AP3S1: variants seen among roughly 807,000 people sequenced by gnomAD.
The protein encoded by AP3S1 is adaptor related protein complex 3 subunit sigma 1, also known as AP-3 complex subunit sigma-1.
A neutral mutation model predicts 21.3 loss-of-function variants in AP3S1; 12 were observed. The ratio of observed to expected loss-of-function variants is 0.56; its 90% CI spans 0.36 to 0.91. AP3S1 has a LOEUF of 0.91. AP3S1 is among the 40% of genes least tolerant of loss of function. AP3S1 has a pLI of 0.01. For missense variants in AP3S1, 116 were observed against 225.0 expected, an observed-to-expected ratio of 0.52 and a Z score of 3.10; for synonymous variants, 48 against 78.4, an observed-to-expected ratio of 0.61 and a Z score of 2.05.
intron 5 of AP3S1, chr5:115,906,778 A>G: frequency 7.1e-7 from 1 of 1,411,376 alleles, no homozygotes; most frequent in Non-Finnish European, 9.4e-7. Flanking sequence ...TTTTTTCCGA[A>G]CATCCTGATC....
chr5:115,884,607 T>C (rs1749614994), intron 3 of AP3S1, among the ~76,000 whole-genome samples: 1 of 152,208 alleles, frequency 6.6e-6, no homozygotes, highest in South Asian at 2.1e-4. Flanking sequence ...CCCATTCCAA[T>C]TGGATATTCA....
At chr5:115,877,734 T>A (rs776490603) in intron 3 of AP3S1, among the ~76,000 whole-genome samples, 6 of 152,212 alleles carry the variant, frequency 3.9e-5, no homozygotes, top group Non-Finnish European at 7.4e-5. Context: ...GGTTGCTAGG[T>A]CAAATGGTAT....
chr5:115,854,836 C>T (rs1762683037), intron 1 of AP3S1, among the ~76,000 whole-genome samples: 1 of 152,092 alleles, frequency 6.6e-6, no homozygotes, highest in South Asian at 2.1e-4. Context: ...TGCCCTTCCT[C>T]AGTATTTGTC....
At chr5:115,845,365 A>G (rs1055725748) in intron 1 of AP3S1, among the ~76,000 whole-genome samples, 2 of 152,212 alleles carry the variant, frequency 1.3e-5, no homozygotes, top group Admixed American at 1.3e-4. Context: ...TCCCTCAAAT[A>G]TAACAACTTA....
chr5:115,855,278 A>G (rs1379601596), intron 1 of AP3S1, among the ~76,000 whole-genome samples: 2 of 152,032 alleles, frequency 1.3e-5, no homozygotes, highest in Non-Finnish European at 2.9e-5. Flanking sequence ...ACCTCAAATG[A>G]TCTGCCTGCG....
intron 3 of AP3S1, among the ~76,000 whole-genome samples, chr5:115,886,718 G>A (rs1448034608): frequency 6.6e-6 from 1 of 152,120 alleles, no homozygotes; most frequent in Non-Finnish European, 1.5e-5. Context: ...GTTGTTCAAA[G>A]ATCACCTGTA....
At chr5:115,905,956 G>T (rs1256084622) in intron 5 of AP3S1, among the ~76,000 whole-genome samples, 1 of 152,174 alleles carries the variant, frequency 6.6e-6, no homozygotes. Flanking sequence ...AGGAGTTTGA[G>T]ACCAGCCTGG....
chr5:115,853,551 A>G (rs1449011125), intron 1 of AP3S1, among the ~76,000 whole-genome samples: 2 of 152,178 alleles, frequency 1.3e-5, no homozygotes, highest in African/African-American at 4.8e-5. Context: ...TCCAAGGTCA[A>G]AATCTTGTAA....
intron 1 of AP3S1, among the ~76,000 whole-genome samples, chr5:115,849,726 T>C (rs1197039818): frequency 6.6e-6 from 1 of 152,108 alleles, no homozygotes; most frequent in Non-Finnish European, 1.5e-5. Context: ...TGTTAGGCTC[T>C]GTAAAGAAGG....
chr5:115,879,548 C>T (rs1047673161), intron 3 of AP3S1, among the ~76,000 whole-genome samples: 18 of 152,100 alleles, frequency 1.2e-4, no homozygotes, highest in South Asian at 2.1e-4. Flanking sequence ...GGGATGAAGC[C>T]GACTTGATTG....
At chr5:115,858,685 A>G (rs1010916846) in intron 1 of AP3S1, among the ~76,000 whole-genome samples, 3 of 151,502 alleles carry the variant, frequency 2.0e-5, no homozygotes, top group Non-Finnish European at 4.4e-5. Context: ...CTTTGGGTCA[A>G]TTTCCCACCT....
At chr5:115,875,268 T>C (rs1238125045) in intron 3 of AP3S1, among the ~76,000 whole-genome samples, 1 of 152,174 alleles carries the variant, frequency 6.6e-6, no homozygotes, top group African/African-American at 2.4e-5. Flanking sequence ...ATAGTCTTCA[T>C]TGGGGAAATT....
Position 115,847,586 on chromosome 5 carries a change from T to A in AP3S1, c.69+5480T>A, listed in dbSNP as rs140687450. ...ATGAGCTGAGATTGCGCCATTGCGCTCCAGCCTGGGTGACAGAGGAGACCC... is the reference window on the plus strand; with the variant it reads ...ATGAGCTGAGATTGCGCCATTGCGCACCAGCCTGGGTGACAGAGGAGACCC... On this transcript the variant is annotated intron_variant, in intron 1 of 5. Transcript: ENST00000316788. 6.8e-3 allele frequency among the ~76,000 whole-genome samples: 1,029 copies of A among 152,340 alleles called. 11 individuals carry two copies. Among genetic ancestry groups the A allele is most frequent in the African/African-American group, 0.022 (914 of 41,580 alleles).
chr5:115,882,402 T>G (rs1407945888), intron 3 of AP3S1, among the ~76,000 whole-genome samples: 1 of 152,170 alleles, frequency 6.6e-6, no homozygotes, highest in African/African-American at 2.4e-5. Flanking sequence ...ACATCCTTAT[T>G]GTCCTTGTTG....
At chr5:115,870,183 T>A in intron 3 of AP3S1, 55 bp downstream of exon 3, 1 of 1,118,076 alleles carries the variant, frequency 8.9e-7, no homozygotes, top group Non-Finnish European at 1.3e-6. Flanking sequence ...ATTTAAATTT[T>A]TAAAAACTTA....
At position 115,845,730 on chromosome 5, in the gene AP3S1, C is replaced by G. The variant is rs550050864; in HGVS notation, c.69+3624C>G. On this transcript the variant is annotated intron_variant, in intron 1 of 5. Transcript: ENST00000316788. ...ACGCCTATAAGTGCAGCTACTCGCT[C>G]GAGGCTGAGATAGGAGAATTGCTTG... Among the ~76,000 whole-genome samples, 212 of 150,206 alleles carry G rather than the reference C, an allele frequency of 1.4e-3. 1 individual carries two copies. Among genetic ancestry groups the G allele is most frequent in the Middle Eastern group, 3.4e-3 (1 of 290 alleles).
chr5:115,874,766 A>C (rs578062289), intron 3 of AP3S1, among the ~76,000 whole-genome samples: 1 of 152,086 alleles, frequency 6.6e-6, no homozygotes, highest in African/African-American at 2.4e-5. Context: ...TATAGACCTT[A>C]ATTTTTTTTT....
intron 1 of AP3S1, among the ~76,000 whole-genome samples, chr5:115,848,751 G>C (rs1275738398): frequency 1.4e-4 from 22 of 152,122 alleles, no homozygotes; most frequent in Non-Finnish European, 1.5e-5. Context: ...CCAACTTCTT[G>C]TTGTATAAAA....
intron 1 of AP3S1, among the ~76,000 whole-genome samples, chr5:115,847,844 C>A (rs1341708360): frequency 2.6e-5 from 4 of 152,000 alleles, no homozygotes; most frequent in Admixed American, 2.6e-4. Context: ...AGGAATAGTT[C>A]CTTGTAATAT....
Sources: allele counts gnomAD v4.1 joint callset (sites outside exome capture counted in the v4.1 genomes callset), GRCh38; gene constraint gnomAD v4.1.1; transcripts MANE v1.5; gene names NCBI Gene and HGNC (gene_info 2026-07-23, HGNC 2026-07-21).